KCNQ1: variants seen among roughly 807,000 people sequenced by gnomAD.
KCNQ1 encodes potassium voltage-gated channel subfamily Q member 1, also known as potassium voltage-gated channel subfamily KQT member 1.
KCNQ1 carries 49 observed loss-of-function variants against 72.4 expected under a neutral mutation model. The observed-to-expected ratio is 0.68, with a 90% CI of 0.54 to 0.86. KCNQ1 has a LOEUF of 0.86. Ranked by LOEUF, KCNQ1 falls within the 40% of genes least tolerant of loss-of-function variation. KCNQ1 has a pLI of 0.00. For synonymous variants in KCNQ1, 450 were observed against 412.6 expected, an observed-to-expected ratio of 1.09 and a Z score of -1.10; for missense variants, 790 against 945.1, an observed-to-expected ratio of 0.84 and a Z score of 2.15.
chr11:2,692,394 A>G (rs1850604142), intron 11 of KCNQ1: 1 of 398,690 alleles, frequency 2.5e-6, no homozygotes, highest in Non-Finnish European at 4.4e-6. Flanking sequence ...CCCCATTCCA[A>G]TCAATTATCT....
intron 1 of KCNQ1, chr11:2,521,675 C>G: frequency 2.6e-6 from 1 of 385,916 alleles, no homozygotes; most frequent in South Asian, 1.9e-5. Context: ...TAAGGTTCCT[C>G]AACTTTATTG....
chr11:2,523,275 C>T (rs561000121), intron 1 of KCNQ1, among the ~76,000 whole-genome samples: 84 of 151,956 alleles, frequency 5.5e-4, no homozygotes, highest in Non-Finnish European at 1.0e-3. Flanking sequence ...CTCACTGCAA[C>T]CTCCACCTCC....
chr11:2,623,394 C>T lies in KCNQ1; in HGVS notation c.1393+34540C>T, dbSNP rs1297014146. ...TACATATATTTGTACATTTTCACTG[C>T]CCTAAAAGTACTCTGTGCACTGCCT... is the stretch of plus-strand genomic sequence containing the variant. On this transcript the variant is annotated intron_variant, in intron 10 of 15. Coordinates refer to ENST00000155840, the MANE Select transcript of KCNQ1 (RefSeq NM_000218.3). The surrounding 1 kb of genome is among the most constrained non-coding windows in gnomAD (Gnocchi z 5.2). 14 of 398,424 alleles carry T rather than the reference C, an allele frequency of 3.5e-5. No individual in the cohort carries two copies. In the Admixed American group the frequency reaches 5.3e-4, roughly 15 times the overall value. The allele number at this position is 398,424 out of a possible 1,614,324, so 24.7% of individuals were successfully genotyped here. A position where few individuals can be genotyped will look rare whatever the true frequency, so the allele number is the denominator to read the frequency against.
At chr11:2,718,021 T>C (rs1051280317) in intron 11 of KCNQ1, among the ~76,000 whole-genome samples, 11 of 152,218 alleles carry the variant, frequency 7.2e-5, no homozygotes, top group African/African-American at 2.7e-4. Flanking sequence ...GAACCTTGTT[T>C]TGTTTTGTTG....
chr11:2,655,321 C>G (rs1409760195), intron 10 of KCNQ1: 3 of 398,466 alleles, frequency 7.5e-6, no homozygotes, highest in Non-Finnish European at 4.4e-6. Flanking sequence ...CTGGCCTTGA[C>G]AAAGCAAAGG....
chr11:2,682,185 C>G lies in KCNQ1; in HGVS notation c.1514+20104C>G, dbSNP rs765434276. On this transcript the variant is annotated intron_variant, in intron 11 of 15. Coordinates refer to ENST00000155840, the MANE Select transcript of KCNQ1 (RefSeq NM_000218.3). The surrounding 1 kb of genome is among the most constrained non-coding windows in gnomAD (Gnocchi z 5.8). ...ATATCAAGCTCTCTCCTGACCTTCT[C>G]TCCCCTTCCCCAGGCCAGGACTGTC... The G allele has an allele frequency of 4.8e-5, 19 of 398,498 alleles. No individual in the cohort carries two copies. Among genetic ancestry groups the G allele is most frequent in the Non-Finnish European group, 7.5e-5 (17 of 226,098 alleles). The allele number at this position is 398,498 out of a possible 1,614,324, so 24.7% of individuals were successfully genotyped here. A position where few individuals can be genotyped will look rare whatever the true frequency, so the allele number is the denominator to read the frequency against.
intron 12 of KCNQ1, among the ~76,000 whole-genome samples, chr11:2,774,085 A>G (rs1213481530): frequency 6.6e-6 from 1 of 152,144 alleles, no homozygotes; most frequent in African/African-American, 2.4e-5. Flanking sequence ...CAGTATCTCC[A>G]TCTTATAGGA....
intron 15 of KCNQ1, among the ~76,000 whole-genome samples, chr11:2,796,628 C>G (rs964428935): frequency 4.2e-4 from 64 of 152,206 alleles, no homozygotes; most frequent in African/African-American, 1.5e-3. Context: ...CACTCAGCCC[C>G]TCGGGGCCGT....
In KCNQ1 at chr11:2,624,430, G is replaced by A. The variant is rs879556611; in HGVS notation, c.1393+35576G>A. On this transcript the variant is annotated intron_variant, in intron 10 of 15. Coordinates refer to ENST00000155840, the MANE Select transcript of KCNQ1 (RefSeq NM_000218.3). The surrounding 1 kb of genome is among the most constrained non-coding windows in gnomAD (Gnocchi z 4.9). ...AAACTTTTATTTTTAACAAAGTCTA[G>A]CTTATCAATTATTTCTTTCATGAAT... 1 of 398,376 alleles carries A rather than the reference G, an allele frequency of 2.5e-6. No individual in the cohort carries two copies. The allele number at this position is 398,376 out of a possible 1,614,324, so 24.7% of individuals were successfully genotyped here. A position where few individuals can be genotyped will look rare whatever the true frequency, so the allele number is the denominator to read the frequency against.
rs779700352 is a variant in KCNQ1, at chr11:2,657,526, C to T, written c.1394-4435C>T. The T allele has an allele frequency of 5.3e-5, 21 of 398,512 alleles. No homozygotes were observed. The highest frequency in any genetic ancestry group is 4.0e-4 in the Admixed American group (9 of 22,724). The allele number at this position is 398,512 out of a possible 1,614,324, so 24.7% of individuals were successfully genotyped here. A position where few individuals can be genotyped will look rare whatever the true frequency, so the allele number is the denominator to read the frequency against. The stretch of plus-strand genomic sequence containing the variant: ...TACAGAAGAGAAACAAAAATAGTAC[C>T]GAGTACCCACATCCCTTTCACCAGC... On this transcript the variant is annotated intron_variant, in intron 10 of 15. Coordinates refer to ENST00000155840, the MANE Select transcript of KCNQ1 (RefSeq NM_000218.3). This position sits in a 1 kb window ranked among gnomAD's most constrained non-coding sequence, Gnocchi z 4.8.
At chr11:2,589,327 A>G (rs2133761857) in intron 10 of KCNQ1, among the ~76,000 whole-genome samples, 1 of 152,244 alleles carries the variant, frequency 6.6e-6, no homozygotes, top group East Asian at 1.9e-4. Context: ...CTTCTCATGC[A>G]GCCCAGGGGC....
At chr11:2,757,603 G>A (rs1846325221) in intron 11 of KCNQ1, among the ~76,000 whole-genome samples, 1 of 152,204 alleles carries the variant, frequency 6.6e-6, no homozygotes, top group South Asian at 2.1e-4. Flanking sequence ...GGCACATGCT[G>A]TAGATTAAAA....
In KCNQ1 at chr11:2,735,307, G is replaced by A. The variant is rs1240951756; in HGVS notation, c.1515-33537G>A. ...CAGAGATGCCTGGGGCCCTGGGGTG[G>A]GAGGTGGGGACAGGCTAATGGCAAT... On this transcript the variant is annotated intron_variant, in intron 11 of 15. Transcript: ENST00000155840. The surrounding 1 kb of genome is among the most constrained non-coding windows in gnomAD (Gnocchi z 7.7). Among the ~76,000 whole-genome samples the A allele has an allele frequency of 6.6e-6, 1 of 152,056 alleles. No individual in the cohort carries two copies. The highest frequency in any genetic ancestry group is 1.5e-5 in the Non-Finnish European group (1 of 67,968).
chr11:2,744,550 G>A (rs1033389064), intron 11 of KCNQ1, among the ~76,000 whole-genome samples: 1 of 152,158 alleles, frequency 6.6e-6, no homozygotes, highest in African/African-American at 2.4e-5. Flanking sequence ...TCATTTATTC[G>A]CCAGTGTTTC....
rs528374347 is a variant in KCNQ1, at chr11:2,479,786, T to A, written c.386+34302T>A. On this transcript the variant is annotated intron_variant, in intron 1 of 15. Transcript: ENST00000155840. This position sits in a 1 kb window ranked among gnomAD's most constrained non-coding sequence, Gnocchi z 4.6. ...ACTTTCTCCTCAGAAAATGGGTTTT[T>A]ATTTTCTATCACATTTTCAGACTGC... 4.6e-5 allele frequency among the ~76,000 whole-genome samples: 7 copies of A among 152,362 alleles called. No individual in the cohort carries two copies. Among genetic ancestry groups the A allele is most frequent in the African/African-American group, 1.7e-4 (7 of 41,582 alleles).
rs1024528450 is a variant in KCNQ1 at position 2,677,394 on chromosome 11, G to A, written c.1514+15313G>A. 51 of 398,570 alleles carry A rather than the reference G, an allele frequency of 1.3e-4. No homozygotes were observed. The highest frequency in any genetic ancestry group is 7.8e-4 in the East Asian group (22 of 28,070). The allele number at this position is 398,570 out of a possible 1,614,324, so 24.7% of individuals were successfully genotyped here. A position where few individuals can be genotyped will look rare whatever the true frequency, so the allele number is the denominator to read the frequency against. ...ATCAGTTGAAGAGGAAACCAAGATC[G>A]ATGCCTAGATAAGCATTTCAGAGGA... On this transcript the variant is annotated intron_variant, in intron 11 of 15. Transcript: ENST00000155840. This position sits in a 1 kb window ranked among gnomAD's most constrained non-coding sequence, Gnocchi z 4.5.
rs1404735069 is a variant in KCNQ1, at chr11:2,613,130, C to T, written c.1393+24276C>T. ...ACATCTTGAGCCAGTGAATCTTCCA[C>T]CCTCTGCTGAGGGGATCTATGTGTG... On this transcript the variant is annotated intron_variant, in intron 10 of 15. Coordinates refer to ENST00000155840, the MANE Select transcript of KCNQ1 (RefSeq NM_000218.3). This position sits in a 1 kb window ranked among gnomAD's most constrained non-coding sequence, Gnocchi z 4.8. 2.5e-6 allele frequency: 1 copy of T among 398,490 alleles called. No individual in the cohort carries two copies. Among genetic ancestry groups the T allele is most frequent in the African/African-American group, 2.1e-5 (1 of 48,600 alleles). 24.7% of individuals were successfully genotyped at this position (398,490 alleles called of 1,614,324 possible). A position where few individuals can be genotyped will look rare whatever the true frequency, so the allele number is the denominator to read the frequency against.
At chr11:2,793,027 G>T (rs1046298125) in intron 15 of KCNQ1, among the ~76,000 whole-genome samples, 2 of 152,192 alleles carry the variant, frequency 1.3e-5, no homozygotes, top group Admixed American at 1.3e-4. Context: ...TCTGCTGCCC[G>T]CAAAGGGATG....
intron 10 of KCNQ1, chr11:2,610,951 A>G: frequency 2.5e-6 from 1 of 398,068 alleles, no homozygotes; most frequent in Non-Finnish European, 4.4e-6. Context: ...TGATAGAACA[A>G]CAAGACAGAA....
Sources: gnomAD v4.1 joint callset for allele counts (sites outside exome capture counted in the v4.1 genomes callset) on GRCh38, gnomAD v4.1.1 for gene constraint, Gnocchi (gnomAD v3.1) non-coding constraint, MANE v1.5 for transcripts, NCBI Gene and HGNC (gene_info 2026-07-23, HGNC 2026-07-21) for gene names.